The following COL4A4 variants were observed in gnomAD, a reference collection of about 807,000 sequenced individuals.
COL4A4 encodes collagen type IV alpha 4 chain.
COL4A4 carries 105 observed loss-of-function variants against 192.9 expected under a neutral mutation model. That is an observed-to-expected ratio of 0.54 (90% CI 0.46 to 0.64). The LOEUF is 0.64. Among genes scored for constraint, COL4A4 ranks in the 30% least tolerant of loss-of-function variants. COL4A4 has a pLI of 0.00. For missense variants in COL4A4, 1,967 were observed against 2,169.3 expected (o/e 0.91, Z 1.85); for synonymous variants, 762 against 769.9 (o/e 0.99, Z 0.17).
At chr2:227,087,154 C>T (rs1419247059) in intron 22 of COL4A4, among the ~76,000 whole-genome samples, 1 of 152,330 alleles carries the variant, frequency 6.6e-6, no homozygotes, top group South Asian at 2.1e-4. Flanking sequence ...TATGAGCAAT[C>T]AGACAGCTGA....
rs749431103 is a variant in COL4A4, at chr2:227,032,236, A to C, written c.3618T>G (p.Pro1206=). The part of the protein sequence containing the change: ...DVGPPGPVGI[P]GLKGERGDPG... ...GGTCTCCTCTCTCCCCTTTTAGCCC[A>C]GGTATTCCCACTGGACCAGGTGGCC... The change falls in exon 39 of 48, where the codon CCT becomes CCG. Residue 1206 remains proline, a synonymous_variant. Coordinates refer to ENST00000396625, the MANE Select transcript of COL4A4 (RefSeq NM_000092.5). 2.5e-6 allele frequency: 4 copies of C among 1,613,922 alleles called. No homozygotes were observed. The South Asian group carries it at 3.3e-5, about 13-fold the overall frequency.
rs772153778 is a variant in COL4A4 at position 227,098,701 on chromosome 2, G to A, written c.1197C>T (p.Ala399=). 4 of 1,613,796 alleles carry A rather than the reference G, an allele frequency of 2.5e-6. No individual in the cohort carries two copies. The South Asian group carries it at 3.3e-5, about 13-fold the overall frequency. ...ACATCAGGGCATCCGTACCTGCACA[G>A]GCTTCCCCTGGTCTGCCCAAGAGAC... ...PPGLLGRPGE[A]CAGMIGPPGP... Residue 399 remains alanine (A), a synonymous_variant, in exon 19 of 48, where the codon GCC becomes GCT. Coordinates refer to ENST00000396625, the MANE Select transcript of COL4A4 (RefSeq NM_000092.5).
At chr2:226,995,681 A>G in the COL4A4 span, 25 of 621,044 alleles carry the variant, frequency 4.0e-5, no homozygotes, top group Non-Finnish European at 6.1e-5. Flanking sequence ...CATGGCCCCT[A>G]TGAGTCAACT....
chr2:227,023,821 A>G (rs1966487970), intron 43 of COL4A4, among the ~76,000 whole-genome samples: 1 of 151,882 alleles, frequency 6.6e-6, no homozygotes, highest in Non-Finnish European at 1.5e-5. Flanking sequence ...AGACCATCCT[A>G]GCCAACATGG....
the COL4A4 span, among the ~76,000 whole-genome samples, chr2:226,986,234 A>G: frequency 6.6e-6 from 1 of 152,238 alleles, no homozygotes; most frequent in South Asian, 2.1e-4. Context: ...GACTAAGGAG[A>G]CTTGGTAACA....
At chr2:226,989,330 T>C in the COL4A4 span, among the ~76,000 whole-genome samples, 1 of 152,050 alleles carries the variant, frequency 6.6e-6, no homozygotes, top group African/African-American at 2.4e-5. Context: ...TGGACAAAAA[T>C]AGGGGAAAAA....
chr2:227,131,140 C>CT lies in COL4A4; in HGVS notation c.192+9020dup, dbSNP rs111295986. Among the ~76,000 whole-genome samples, 253 of 144,230 alleles carry CT rather than the reference C, an allele frequency of 1.8e-3. 1 individual carries two copies. Among genetic ancestry groups the CT allele is most frequent in the Middle Eastern group, 0.015 (4 of 272 alleles). The allele number at this position is 144,230 out of a possible 152,430, so 94.6% of individuals were successfully genotyped here. A position where few individuals can be genotyped will look rare whatever the true frequency, so the allele number is the denominator to read the frequency against. ...CTTATTATGCAGGAAAATCTGTCTGCTTTTTTTTTTTTTTCTTTCTTTCTT... is the reference window on the plus strand; with the variant it reads ...CTTATTATGCAGGAAAATCTGTCTGCTTTTTTTTTTTTTTTCTTTCTTTCTT... On this transcript the variant is annotated intron_variant, in intron 4 of 47. Coordinates refer to ENST00000396625, the MANE Select transcript of COL4A4 (RefSeq NM_000092.5).
the COL4A4 span, among the ~76,000 whole-genome samples, chr2:226,977,956 C>A: frequency 6.6e-6 from 1 of 152,184 alleles, no homozygotes; most frequent in Non-Finnish European, 1.5e-5. Flanking sequence ...GCTGTTTGGG[C>A]ATGTTTTATG....
intron 34 of COL4A4, among the ~76,000 whole-genome samples, chr2:227,047,762 C>T (rs1323167133): frequency 7.9e-5 from 12 of 151,228 alleles, no homozygotes; most frequent in Non-Finnish European, 1.8e-4. Context: ...CACACACACA[C>T]GGTTTTAGAA....
At chr2:227,158,338 C>T (rs1048468889) in intron 1 of COL4A4, among the ~76,000 whole-genome samples, 1 of 152,020 alleles carries the variant, frequency 6.6e-6, no homozygotes, top group African/African-American at 2.4e-5. Context: ...CAGAAATTAA[C>T]TTAAAAGAGA....
chr2:226,976,768 C>T, the COL4A4 span, among the ~76,000 whole-genome samples: 1 of 152,256 alleles, frequency 6.6e-6, no homozygotes, highest in African/African-American at 2.4e-5. Flanking sequence ...TTGGGCCTAT[C>T]GGGTAGGTGT....
rs550021878 is a variant in COL4A4 at position 227,082,112 on chromosome 2, C to G, written c.1696+3G>C. ...AGGGAGTTAAGTGATTGATTATGCTCACCTTTAACTCTTGATACAACCATG... is the reference window on the plus strand; with the variant it reads ...AGGGAGTTAAGTGATTGATTATGCTGACCTTTAACTCTTGATACAACCATG... On this transcript the variant is annotated splice_donor_region_variant and intron_variant, in intron 23 of 47. Coordinates refer to ENST00000396625, the MANE Select transcript of COL4A4 (RefSeq NM_000092.5). The G allele has an allele frequency of 6.2e-7, 1 of 1,613,698 alleles. No homozygotes were observed. The highest frequency in any genetic ancestry group is 8.5e-7 in the Non-Finnish European group (1 of 1,179,582).
At chr2:227,150,085 A>G (rs1160297303) in intron 1 of COL4A4, among the ~76,000 whole-genome samples, 1 of 152,346 alleles carries the variant, frequency 6.6e-6, no homozygotes, top group East Asian at 1.9e-4. Flanking sequence ...TAAGTTCTCA[A>G]TATATATTGG....
intron 34 of COL4A4, among the ~76,000 whole-genome samples, chr2:227,047,941 T>A (rs572829417): frequency 1.3e-5 from 2 of 152,320 alleles, no homozygotes; most frequent in East Asian, 3.9e-4. Flanking sequence ...ACTGCTGCAA[T>A]CATATTTCAA....
chr2:227,070,196 A>G (rs1209682644), intron 25 of COL4A4, among the ~76,000 whole-genome samples: 2 of 152,000 alleles, frequency 1.3e-5, no homozygotes, highest in African/African-American at 2.4e-5. Flanking sequence ...TTAGAATGGC[A>G]ATCATTAAAA....
At position 227,060,120 on chromosome 2, in the gene COL4A4, A is replaced by AAAAAAAC. The variant is rs1559522801; in HGVS notation, c.2164+15_2164+16insGTTTTTT. 1.4e-5 allele frequency: 20 copies of AAAAAAAC among 1,403,812 alleles called. No homozygotes were observed. Among genetic ancestry groups the AAAAAAAC allele is most frequent in the South Asian group, 5.0e-5 (4 of 79,298 alleles). The allele number at this position is 1,403,812 out of a possible 1,614,324, so 87.0% of individuals were successfully genotyped here. A position where few individuals can be genotyped will look rare whatever the true frequency, so the allele number is the denominator to read the frequency against. ...AAAGCAGAAAAAAAAAAAAAAAAAAAAAAAACCTCACTGACCAGGTGGACC... is the reference window on the plus strand; with the variant it reads ...AAAGCAGAAAAAAAAAAAAAAAAAAAAAAAAACAAAAACCTCACTGACCAGGTGGACC... On this transcript the variant is annotated intron_variant, in intron 27 of 47. Transcript: ENST00000396625.
chr2:227,152,676 T>C (rs10199483), intron 1 of COL4A4, among the ~76,000 whole-genome samples: 84,551 of 152,068 alleles, frequency 0.56, 24,145 homozygotes, highest in South Asian at 0.64. Context: ...ACATGTTGTC[T>C]GCAACAATCT....
chr2:227,032,263 C>A lies in COL4A4; in HGVS notation c.3591G>T (p.Val1197=). Residue 1197 remains valine (V), a synonymous_variant, in exon 39 of 48, where the codon GTG becomes GTT. Transcript: ENST00000396625. The stretch of plus-strand genomic sequence containing the variant: ...GTATTCCCACTGGACCAGGTGGCCC[C>A]ACATCATGCAAACCTTAATGGGGAA... ...GTKGASGLHD[V]GPPGPVGIPG... The A allele has an allele frequency of 6.2e-7, 1 of 1,613,764 alleles. No individual in the cohort carries two copies. Among genetic ancestry groups the A allele is most frequent in the Non-Finnish European group, 8.5e-7 (1 of 1,179,754 alleles).
rs1226084260 is a variant in COL4A4, at chr2:227,002,986, C to T, written c.*4339G>A. On this transcript the variant is annotated 3_prime_UTR_variant, in exon 48 of 48. Transcript: ENST00000396625. ...CCTTGGTGGTTTAAAATGCATTATG[C>T]AGAGTTTCTAGCAGATGATAACAGT... is the stretch of plus-strand genomic sequence containing the variant. The T allele has an allele frequency of 6.6e-6, 1 of 152,614 alleles. No individual in the cohort carries two copies. Among genetic ancestry groups the T allele is most frequent in the African/African-American group, 2.4e-5 (1 of 41,442 alleles). 9.5% of individuals were successfully genotyped at this position (152,614 alleles called of 1,614,324 possible).
Sources: allele counts gnomAD v4.1 joint callset (sites outside exome capture counted in the v4.1 genomes callset), GRCh38; gene constraint gnomAD v4.1.1; transcripts MANE v1.5; gene names NCBI Gene and HGNC (gene_info 2026-07-23, HGNC 2026-07-21).